Variants in TSPEAR observed in about 807,000 individuals in gnomAD.
TSPEAR encodes thrombospondin-type laminin G domain and EAR repeat-containing protein.
TSPEAR carries 69 observed loss-of-function variants against 71.6 expected under a neutral mutation model. The ratio of observed to expected loss-of-function variants is 0.96; its 90% CI spans 0.79 to 1.18. The LOEUF (loss-of-function observed/expected upper bound fraction) is 1.18, where lower values mean the gene tolerates loss of function less well. Ranked by LOEUF, TSPEAR falls within the 50% of genes most tolerant of loss-of-function variation. The probability of loss-of-function intolerance (pLI) is 0.00; values close to 1 mark genes in which losing one functional copy is unlikely to be tolerated. For missense variants in TSPEAR, 971 were observed against 894.9 expected (o/e 1.09, Z -1.09); for synonymous variants, 402 against 387.2 (o/e 1.04, Z -0.45).
At chr21:44,666,248 C>T in intron 1 of TSPEAR, 1 of 645,708 alleles carries the variant, frequency 1.5e-6, no homozygotes, top group Admixed American at 3.3e-5. Context: ...TCTGGGACCC[C>T]AGACTTCCCT....
intron 1 of TSPEAR, among the ~76,000 whole-genome samples, chr21:44,654,938 G>A (rs55957933): frequency 0.23 from 35,528 of 151,844 alleles, 4,068 homozygotes; most frequent in Admixed American, 0.24. Flanking sequence ...AGGTCCCCCC[G>A]TTGTAAATGC....
chr21:44,694,817 G>A (rs1555950234), intron 1 of TSPEAR, among the ~76,000 whole-genome samples: 1 of 152,154 alleles, frequency 6.6e-6, no homozygotes, highest in Non-Finnish European at 1.5e-5. Context: ...AGTAGCTCGT[G>A]GAGGAAGTGG....
At chr21:44,606,607 G>A (rs587750720) in intron 1 of TSPEAR, among the ~76,000 whole-genome samples, 4 of 152,136 alleles carry the variant, frequency 2.6e-5, no homozygotes, top group Non-Finnish European at 5.9e-5. Context: ...AATAGCCTAG[G>A]TATGGAATCG....
rs373592018 is a variant in TSPEAR, at chr21:44,708,195, C to A, written c.82+3238G>T. Among the ~76,000 whole-genome samples the A allele has an allele frequency of 1.1e-3, 162 of 152,214 alleles. 3 individuals are homozygous for A. The highest frequency in any genetic ancestry group is 6.6e-3 in the South Asian group (32 of 4,828). ...CTCAGATCCCTCCCCCAGCCCCCAG[C>A]AGGGGGGACTGCAGGCTCCTGGTCT... On this transcript the variant is annotated intron_variant, in intron 1 of 11. Coordinates refer to ENST00000323084, the MANE Select transcript of TSPEAR (RefSeq NM_144991.3).
At position 44,521,891 on chromosome 21, in the gene TSPEAR, A is replaced by G; in HGVS notation, c.1558T>C (p.Ser520Pro). 6.2e-7 allele frequency: 1 copy of G among 1,613,450 alleles called. No homozygotes were observed. Among genetic ancestry groups the G allele is most frequent in the Non-Finnish European group, 8.5e-7 (1 of 1,179,788 alleles). The change falls in exon 9 of 12, where the codon TCC (serine) becomes CCC (proline). Residue 520 changes from serine (S) to proline (P), a missense_variant. Ser to Pro is a moderately conservative substitution (Grantham distance 74, BLOSUM62 -1). Transcript: ENST00000323084. ...CATGCGGGGGGCCTTACCGGGAAGG[A>G]CTGGAAGAGCTGGAAGGAGCCCAGG... is the stretch of plus-strand genomic sequence containing the variant. ...RLLGSFQLFQ[S>P]FPTFGAADWE...
rs142069140 is a variant in TSPEAR at position 44,588,171 on chromosome 21, T to C, written c.83-20166A>G. Among the ~76,000 whole-genome samples, 1,334 of 152,098 alleles carry C rather than the reference T, an allele frequency of 8.8e-3. 20 individuals are homozygous for C. Among genetic ancestry groups the C allele is most frequent in the African/African-American group, 0.029 (1,211 of 41,462 alleles). The stretch of plus-strand genomic sequence containing the variant: ...AGAACCTACAACAAACTCAAACAAA[T>C]TATAAAGAAAAAAACCAAACAATCC... On this transcript the variant is annotated intron_variant, in intron 1 of 11. Coordinates refer to ENST00000323084, the MANE Select transcript of TSPEAR (RefSeq NM_144991.3).
intron 1 of TSPEAR, among the ~76,000 whole-genome samples, chr21:44,684,931 T>C (rs556124019): frequency 1.3e-5 from 2 of 152,306 alleles, no homozygotes; most frequent in East Asian, 3.9e-4. Flanking sequence ...TTTTTAAGTG[T>C]GATTCTGAAC....
chr21:44,539,337 G>C (rs781989575), intron 2 of TSPEAR: 1 of 1,612,168 alleles, frequency 6.2e-7, no homozygotes, highest in Non-Finnish European at 8.5e-7. Context: ...GGGCGGCAGA[G>C]GAGGGACACG....
intron 11 of TSPEAR, among the ~76,000 whole-genome samples, chr21:44,502,610 C>T (rs1311706137): frequency 6.6e-6 from 1 of 152,272 alleles, no homozygotes; most frequent in East Asian, 1.9e-4. Context: ...CCACACGCCG[C>T]ATCCCTGACA....
In TSPEAR at chr21:44,573,724, C is replaced by T. The variant is rs1246589231; in HGVS notation, c.83-5719G>A. ...CTCGCTCACCCACTCCCTCCCATCTCCCCCAGCTCAACCCCCAGCACAGCA... is the reference window on the plus strand; with the variant it reads ...CTCGCTCACCCACTCCCTCCCATCTTCCCCAGCTCAACCCCCAGCACAGCA... On this transcript the variant is annotated intron_variant, in intron 1 of 11. Coordinates refer to ENST00000323084, the MANE Select transcript of TSPEAR (RefSeq NM_144991.3). 5 of 1,596,070 alleles carry T rather than the reference C, an allele frequency of 3.1e-6. No homozygotes were observed. In the African/African-American group the frequency reaches 4.0e-5, roughly 13 times the overall value.
chr21:44,667,929 GCCATACATGAAAGA>G (rs1985873878), intron 1 of TSPEAR, among the ~76,000 whole-genome samples: 2 of 152,156 alleles, frequency 1.3e-5, no homozygotes, highest in Non-Finnish European at 2.9e-5. Flanking sequence ...CACAATACAA[GCCATACATGAAAGA>G]CCCACAGCAA....
In TSPEAR at chr21:44,579,620, T is replaced by C. The variant is rs7509935; in HGVS notation, c.83-11615A>G. Reference sequence around the variant, plus strand: ...AGCTGGGGAGCTTCGAGGATGGAGATTCCTGGGAGTATGGAGGGGGGGGTC... The same window carrying C: ...AGCTGGGGAGCTTCGAGGATGGAGACTCCTGGGAGTATGGAGGGGGGGGTC... On this transcript the variant is annotated intron_variant, in intron 1 of 11. Transcript: ENST00000323084. 7.7e-3 allele frequency: 8,203 copies of C among 1,064,084 alleles called. 293 individuals are homozygous for C. In the African/African-American group the frequency reaches 0.092, roughly 12 times the overall value. 65.9% of individuals were successfully genotyped at this position (1,064,084 alleles called of 1,614,324 possible). A position where few individuals can be genotyped will look rare whatever the true frequency, so the allele number is the denominator to read the frequency against.
intron 9 of TSPEAR, among the ~76,000 whole-genome samples, chr21:44,515,012 C>T (rs1372132159): frequency 2.0e-5 from 3 of 152,150 alleles, no homozygotes; most frequent in African/African-American, 7.2e-5. Context: ...CACAGCTCCT[C>T]AAACCCCACC....
At chr21:44,692,593 A>G (rs753921065) in intron 1 of TSPEAR, among the ~76,000 whole-genome samples, 2 of 152,152 alleles carry the variant, frequency 1.3e-5, no homozygotes. Context: ...GAAATTAAGA[A>G]AAACAATTCC....
chr21:44,559,968 G>A (rs587772815), intron 2 of TSPEAR, among the ~76,000 whole-genome samples: 14 of 152,210 alleles, frequency 9.2e-5, no homozygotes, highest in African/African-American at 3.1e-4. Flanking sequence ...TCTGTTGGAG[G>A]ACTACCTGGC....
At chr21:44,601,026 C>T (rs1354899165) in intron 1 of TSPEAR, 2 of 1,612,188 alleles carry the variant, frequency 1.2e-6, no homozygotes, top group Non-Finnish European at 1.7e-6. Context: ...ATTCTTCATG[C>T]TGCCAGCAGT....
intron 1 of TSPEAR, among the ~76,000 whole-genome samples, chr21:44,699,984 C>T (rs1324426196): frequency 1.3e-5 from 2 of 152,198 alleles, no homozygotes; most frequent in Non-Finnish European, 2.9e-5. Context: ...TGCCTCTCCC[C>T]TCCACCATTT....
intron 1 of TSPEAR, among the ~76,000 whole-genome samples, chr21:44,573,090 T>C (rs1328570448): frequency 6.6e-6 from 1 of 152,142 alleles, no homozygotes; most frequent in Non-Finnish European, 1.5e-5. Context: ...GGAATTTCTG[T>C]TGTGTGACCA....
Position 44,618,880 on chromosome 21 carries a change from G to A in TSPEAR, c.83-50875C>T, listed in dbSNP as rs587750197. Among the ~76,000 whole-genome samples the A allele has an allele frequency of 3.9e-5, 6 of 152,294 alleles. No homozygotes were observed. In the East Asian group the frequency reaches 1.2e-3, roughly 29 times the overall value. On this transcript the variant is annotated intron_variant, in intron 1 of 11. Coordinates refer to ENST00000323084, the MANE Select transcript of TSPEAR (RefSeq NM_144991.3). ...AAAATTTTCAGTTGGGAAAACACTG[G>A]ACACCCCTAAAAAGCCTGGGAGGAA...
Sources: gnomAD v4.1 joint callset for allele counts (sites outside exome capture counted in the v4.1 genomes callset) on GRCh38, gnomAD v4.1.1 for gene constraint, MANE v1.5 for transcripts, NCBI Gene and HGNC (gene_info 2026-07-23, HGNC 2026-07-21) for gene names.